Variants in SYT16 observed in about 807,000 individuals in gnomAD.
SYT16 encodes the protein synaptotagmin 16.
SYT16 carries 42 observed loss-of-function variants against 61.4 expected under a neutral mutation model. The ratio of observed to expected loss-of-function variants is 0.68; its 90% CI spans 0.53 to 0.89. SYT16 has a LOEUF of 0.89. Among genes scored for constraint, SYT16 ranks in the 40% least tolerant of loss-of-function variants. The pLI, the probability that SYT16 is intolerant of heterozygous loss-of-function variation, is 0.00. For synonymous variants in SYT16, 314 were observed against 302.3 expected (o/e 1.04, Z -0.40); for missense variants, 804 against 807.3 (o/e 1.00, Z 0.05).
intron 1 of SYT16, among the ~76,000 whole-genome samples, chr14:61,889,096 T>C (rs914576204): frequency 2.6e-4 from 40 of 152,208 alleles, no homozygotes; most frequent in African/African-American, 7.9e-4. Context: ...AAGGGAGGCA[T>C]GGTGATAGTT....
chr14:62,072,095 G>A (rs953173554), intron 4 of SYT16, among the ~76,000 whole-genome samples: 2 of 152,212 alleles, frequency 1.3e-5, no homozygotes, highest in Non-Finnish European at 2.9e-5. Flanking sequence ...CTTTAGACGT[G>A]AAAGGTTAGC....
chr14:62,090,232 A>C (rs17808028), intron 7 of SYT16, among the ~76,000 whole-genome samples: 51,439 of 152,078 alleles, frequency 0.34, 10,044 homozygotes, highest in African/African-American at 0.55. Flanking sequence ...GTCAAAAACT[A>C]TCATTAAGAT....
In SYT16 at chr14:62,104,288, T is replaced by A. The variant is rs968665507; in HGVS notation, c.*3581T>A. The A allele has an allele frequency of 6.6e-6, 1 of 152,222 alleles. No individual in the cohort carries two copies. Among genetic ancestry groups the A allele is most frequent in the African/African-American group, 2.4e-5 (1 of 41,458 alleles). 9.4% of individuals were successfully genotyped at this position (152,222 alleles called of 1,614,324 possible). On this transcript the variant is annotated 3_prime_UTR_variant, in exon 8 of 8. Coordinates refer to ENST00000683842, the MANE Select transcript of SYT16 (RefSeq NM_001367656.1). ...TGTCATAAAACCAGATGGAGGCATATTCTTTACTGATAAAGAAACAGGACT... is the reference window on the plus strand; with the variant it reads ...TGTCATAAAACCAGATGGAGGCATAATCTTTACTGATAAAGAAACAGGACT...
At chr14:61,960,420 C>G (rs1303505933) in intron 1 of SYT16, among the ~76,000 whole-genome samples, 2 of 152,110 alleles carry the variant, frequency 1.3e-5, no homozygotes, top group Non-Finnish European at 2.9e-5. Flanking sequence ...CCTTCACTTT[C>G]CTGGTTAGCT....
intron 3 of SYT16, among the ~76,000 whole-genome samples, chr14:62,043,666 C>A (rs1188745754): frequency 1.3e-5 from 2 of 152,132 alleles, no homozygotes; most frequent in Non-Finnish European, 2.9e-5. Context: ...CTTGGCCTCC[C>A]AAAGTGCTGG....
At chr14:61,931,233 C>T (rs2049753390) in intron 1 of SYT16, among the ~76,000 whole-genome samples, 1 of 152,068 alleles carries the variant, frequency 6.6e-6, no homozygotes, top group Non-Finnish European at 1.5e-5. Flanking sequence ...TGAAAACAGC[C>T]CATTTTGCAG....
At chr14:61,844,264 A>G (rs1378048756) in intron 1 of SYT16, among the ~76,000 whole-genome samples, 1 of 152,110 alleles carries the variant, frequency 6.6e-6, no homozygotes, top group Non-Finnish European at 1.5e-5. Context: ...AGAATTTATC[A>G]GTTCTAATAG....
At chr14:61,985,446 C>T (rs1347462949) in intron 2 of SYT16, among the ~76,000 whole-genome samples, 1 of 152,054 alleles carries the variant, frequency 6.6e-6, no homozygotes, top group African/African-American at 2.4e-5. Context: ...TGGTTTTCTG[C>T]CTATCAATAA....
chr14:61,872,981 C>T (rs144606928), intron 1 of SYT16, among the ~76,000 whole-genome samples: 4 of 152,070 alleles, frequency 2.6e-5, no homozygotes, highest in Non-Finnish European at 4.4e-5. Flanking sequence ...CATATTAAAA[C>T]GTTGTATTCA....
Position 62,107,079 on chromosome 14 carries a change from C to T in SYT16, c.*6372C>T, listed in dbSNP as rs2141035856. 6.7e-6 allele frequency: 1 copy of T among 149,610 alleles called. No individual in the cohort carries two copies. 9.3% of individuals were successfully genotyped at this position (149,610 alleles called of 1,614,324 possible). ...GCATTATTTTTGTTTACGTCATTTC[C>T]CCCTTGAAGTATCTAGTTGCTGGGG... is the stretch of plus-strand genomic sequence containing the variant. On this transcript the variant is annotated 3_prime_UTR_variant, in exon 8 of 8. Transcript: ENST00000683842.
intron 1 of SYT16, chr14:61,865,079 A>T (rs1594784215): frequency 7.3e-7 from 1 of 1,379,288 alleles, no homozygotes; most frequent in Non-Finnish European, 1.0e-6. Flanking sequence ...AGCTTGCGGG[A>T]AATGGCCCAC....
chr14:62,042,255 G>A (rs1254926), intron 3 of SYT16, among the ~76,000 whole-genome samples: 53,216 of 151,762 alleles, frequency 0.35, 10,118 homozygotes, highest in Middle Eastern at 0.5. Context: ...CTCCCATGTC[G>A]GCCTCCCAAA....
chr14:62,094,038 A>G (rs1180718325), intron 7 of SYT16, among the ~76,000 whole-genome samples: 1 of 152,170 alleles, frequency 6.6e-6, no homozygotes, highest in East Asian at 1.9e-4. Flanking sequence ...AAGAGACAGC[A>G]TGGGAGATTT....
At chr14:61,926,887 C>G (rs1382380968) in intron 1 of SYT16, among the ~76,000 whole-genome samples, 1 of 152,152 alleles carries the variant, frequency 6.6e-6, no homozygotes, top group Non-Finnish European at 1.5e-5. Flanking sequence ...TCTTCTGTAA[C>G]TCTGAGTTTC....
intron 1 of SYT16, among the ~76,000 whole-genome samples, chr14:61,942,087 GT>G (rs2050233357): frequency 6.6e-6 from 1 of 152,232 alleles, no homozygotes; most frequent in Non-Finnish European, 1.5e-5. Context: ...AGTTTCAGAT[GT>G]TGGTCTTATT....
At chr14:61,946,157 A>G (rs548589071) in intron 1 of SYT16, among the ~76,000 whole-genome samples, 41 of 152,258 alleles carry the variant, frequency 2.7e-4, no homozygotes, top group African/African-American at 9.4e-4. Context: ...GTGTATACCT[A>G]TGTAACAAAC....
chr14:62,056,911 C>G (rs2055584159), intron 3 of SYT16, among the ~76,000 whole-genome samples: 1 of 152,192 alleles, frequency 6.6e-6, no homozygotes, highest in South Asian at 2.1e-4. Context: ...GGGTCAGCGG[C>G]AGCAGCGAGC....
chr14:61,827,043 G>A (rs965356119), intron 1 of SYT16, among the ~76,000 whole-genome samples: 1 of 150,308 alleles, frequency 6.7e-6, no homozygotes, highest in Admixed American at 6.6e-5. Context: ...CTCTTTAAAG[G>A]CCCCATCTCT....
Position 62,080,942 on chromosome 14 carries a change from A to G in SYT16, c.1102A>G (p.Thr368Ala). The stretch of plus-strand genomic sequence containing the variant: ...ATATAGAGCCGCCAGCCAGAAGCTC[A>G]CAGTGACCATTGTGAGGGCACAGGG... Reference protein sequence around the residue: ...FEYRAASQKLTVTIVRAQGLP... With the variant: ...FEYRAASQKLAVTIVRAQGLP... Residue 368 changes from threonine to alanine, a missense_variant, in exon 6 of 8, where the codon ACA becomes GCA. By Grantham distance (58) the Thr-to-Ala change is moderately conservative. Coordinates refer to ENST00000683842, the MANE Select transcript of SYT16 (RefSeq NM_001367656.1). 6.2e-7 allele frequency: 1 copy of G among 1,611,510 alleles called. No individual in the cohort carries two copies. Among genetic ancestry groups the G allele is most frequent in the East Asian group, 2.2e-5 (1 of 44,822 alleles).
Sources: gnomAD v4.1 joint callset for allele counts (sites outside exome capture counted in the v4.1 genomes callset) on GRCh38, gnomAD v4.1.1 for gene constraint, MANE v1.5 for transcripts, NCBI Gene and HGNC (gene_info 2026-07-23, HGNC 2026-07-21) for gene names.